Variants in SLC24A2 observed in about 807,000 individuals in gnomAD.
The protein encoded by SLC24A2 is solute carrier family 24 member 2, also known as sodium/potassium/calcium exchanger 2.
A neutral mutation model predicts 62.0 loss-of-function variants in SLC24A2; 36 were observed. That is an observed-to-expected ratio of 0.58 (90% confidence interval 0.44 to 0.77). The LOEUF (loss-of-function observed/expected upper bound fraction) is 0.77, where lower values mean the gene tolerates loss of function less well. SLC24A2 is among the 30% of genes least tolerant of loss of function. The probability of loss-of-function intolerance (pLI) is 0.00; values close to 1 mark genes in which losing one functional copy is unlikely to be tolerated. For missense variants in SLC24A2, 846 were observed against 817.9 expected (o/e 1.03, Z -0.42); for synonymous variants, 358 against 294.0 (o/e 1.22, Z -2.23).
At chr9:20,172,047 G>C in the SLC24A2 span, among the ~76,000 whole-genome samples, 2 of 151,876 alleles carry the variant, frequency 1.3e-5, no homozygotes, top group African/African-American at 4.8e-5. Flanking sequence ...ACCTGGAAAT[G>C]AACTCCAAAA....
chr9:20,184,821 T>C, the SLC24A2 span, among the ~76,000 whole-genome samples: 1 of 152,228 alleles, frequency 6.6e-6, no homozygotes, highest in South Asian at 2.1e-4. Context: ...CACTGCAGTG[T>C]TATTCATGAT....
the SLC24A2 span, among the ~76,000 whole-genome samples, chr9:20,051,894 G>A: frequency 2.0e-5 from 3 of 151,712 alleles, no homozygotes; most frequent in South Asian, 6.3e-4. Flanking sequence ...TCTCTGGGCT[G>A]GTTTAGTCTT....
At chr9:19,551,050 C>T (rs1834817720) in intron 7 of SLC24A2, among the ~76,000 whole-genome samples, 2 of 152,074 alleles carry the variant, frequency 1.3e-5, no homozygotes, top group African/African-American at 4.8e-5. Flanking sequence ...CCCTAGTCTC[C>T]TAAGGAACAT....
intron 7 of SLC24A2, among the ~76,000 whole-genome samples, chr9:19,551,902 G>C (rs189687313): frequency 6.6e-6 from 1 of 152,278 alleles, no homozygotes; most frequent in East Asian, 1.9e-4. Context: ...ATTTAAAAAA[G>C]GGATGCGAAG....
chr9:19,823,315 GT>G, the SLC24A2 span, among the ~76,000 whole-genome samples: 3 of 152,034 alleles, frequency 2.0e-5, no homozygotes, highest in Non-Finnish European at 2.9e-5. Flanking sequence ...GTGTGTGTGT[GT>G]GTGTGTGTGT....
chr9:19,956,029 CTAGAGGTACCACAT>C, the SLC24A2 span, among the ~76,000 whole-genome samples: 1 of 152,188 alleles, frequency 6.6e-6, no homozygotes, highest in Non-Finnish European at 1.5e-5. Context: ...AGCACTAGCC[CTAGAGGTACCACAT>C]TAAGAACTGG....
At chr9:19,831,169 G>A in the SLC24A2 span, among the ~76,000 whole-genome samples, 1 of 152,114 alleles carries the variant, frequency 6.6e-6, no homozygotes, top group Non-Finnish European at 1.5e-5. Context: ...ATTGCATTGG[G>A]GATTAAGTTT....
At chr9:19,559,626 C>T (rs76734120) in intron 7 of SLC24A2, among the ~76,000 whole-genome samples, 2,399 of 152,190 alleles carry the variant, frequency 0.016, 69 homozygotes, top group Admixed American at 0.054. Flanking sequence ...AACAGGGAAA[C>T]GCTCTGAAAT....
the SLC24A2 span, among the ~76,000 whole-genome samples, chr9:19,818,359 G>T: frequency 6.6e-6 from 1 of 152,104 alleles, no homozygotes; most frequent in Admixed American, 6.6e-5. Context: ...GGATAAATCT[G>T]CTCTTTGATC....
intron 7 of SLC24A2, among the ~76,000 whole-genome samples, chr9:19,556,043 T>A (rs1326703875): frequency 1.3e-5 from 2 of 152,142 alleles, no homozygotes; most frequent in African/African-American, 4.8e-5. Context: ...TACCGAACAT[T>A]GAAATCTGGA....
chr9:19,609,569 T>G (rs1173448437), intron 4 of SLC24A2, among the ~76,000 whole-genome samples: 5 of 152,264 alleles, frequency 3.3e-5, no homozygotes, highest in African/African-American at 1.2e-4. Flanking sequence ...ATTTAGATCT[T>G]TTATGTTCTT....
chr9:19,641,868 C>T (rs1818504000), intron 2 of SLC24A2, among the ~76,000 whole-genome samples: 1 of 152,164 alleles, frequency 6.6e-6, no homozygotes, highest in African/African-American at 2.4e-5. Flanking sequence ...AAAATTACTG[C>T]TTATTTCTTT....
the SLC24A2 span, among the ~76,000 whole-genome samples, chr9:19,867,616 A>G: frequency 4.6e-5 from 7 of 152,004 alleles, no homozygotes; most frequent in African/African-American, 9.7e-5. Flanking sequence ...TTAATCATAA[A>G]AACAACTTTC....
chr9:19,852,919 T>G, the SLC24A2 span, among the ~76,000 whole-genome samples: 22 of 152,202 alleles, frequency 1.4e-4, no homozygotes, highest in African/African-American at 5.3e-4. Flanking sequence ...TATGGTCATT[T>G]TCATGATCTT....
At chr9:19,636,379 CTTT>C (rs1564010009) in intron 2 of SLC24A2, among the ~76,000 whole-genome samples, 409 of 24,646 alleles carry the variant, frequency 0.017, no homozygotes, top group Non-Finnish European at 0.019. Flanking sequence ...TTCTTTCTTT[CTTT>C]CTTTCTCCCT....
At chr9:19,842,443 C>T in the SLC24A2 span, among the ~76,000 whole-genome samples, 29 of 152,282 alleles carry the variant, frequency 1.9e-4, no homozygotes, top group East Asian at 4.1e-3. Context: ...ATACAGGAAA[C>T]GATTTATGCT....
chr9:19,554,310 A>T (rs1834978746), intron 7 of SLC24A2, among the ~76,000 whole-genome samples: 4 of 152,348 alleles, frequency 2.6e-5, no homozygotes, highest in African/African-American at 7.2e-5. Context: ...AGTGATACAA[A>T]TAAAAAGCAA....
chr9:19,720,717 A>T (rs1821000632), intron 2 of SLC24A2, among the ~76,000 whole-genome samples: 1 of 132,804 alleles, frequency 7.5e-6, no homozygotes, highest in Non-Finnish European at 1.6e-5. Context: ...AATCACCTTG[A>T]TGTGGCTCAA....
At position 19,511,430 on chromosome 9, in the gene SLC24A2, A is replaced by G. The variant is rs915814039; in HGVS notation, c.*4723T>C. On this transcript the variant is annotated 3_prime_UTR_variant, in exon 11 of 11. Transcript: ENST00000341998. ...TATATGGGCTCTTGTAATTGGCTAA[A>G]CATAGCCTGATATTTGTTACTGTTT... is the stretch of plus-strand genomic sequence containing the variant. 5.3e-5 allele frequency: 8 copies of G among 152,182 alleles called. No homozygotes were observed. Among genetic ancestry groups the G allele is most frequent in the African/African-American group, 1.9e-4 (8 of 41,424 alleles). 9.4% of individuals were successfully genotyped at this position (152,182 alleles called of 1,614,324 possible).
Sources: allele counts gnomAD v4.1 joint callset (sites outside exome capture counted in the v4.1 genomes callset), GRCh38; gene constraint gnomAD v4.1.1; transcripts MANE v1.5; gene names NCBI Gene and HGNC (gene_info 2026-07-23, HGNC 2026-07-21).